The following SAMD3 variants were observed in gnomAD, a reference collection of about 807,000 sequenced individuals.
SAMD3 encodes sterile alpha motif domain-containing protein 3.
A neutral mutation model predicts 58.5 loss-of-function variants in SAMD3; 63 were observed. The ratio of observed to expected loss-of-function variants is 1.08; its 90% CI spans 0.88 to 1.33. The LOEUF is 1.33. SAMD3 is among the 40% of genes most tolerant of loss of function. SAMD3 has a pLI of 0.00. For synonymous variants in SAMD3, 220 were observed against 210.3 expected (o/e 1.05, Z -0.40); for missense variants, 604 against 608.4 (o/e 0.99, Z 0.08).
At chr6:130,155,773 T>C (rs1262383601) in intron 8 of SAMD3, among the ~76,000 whole-genome samples, 1 of 152,198 alleles carries the variant, frequency 6.6e-6, no homozygotes, top group Non-Finnish European at 1.5e-5. Context: ...AATCCTCTTA[T>C]ATCAAGGCTT....
At chr6:130,331,239 T>G (rs904491057) in intron 1 of SAMD3, among the ~76,000 whole-genome samples, 4 of 152,208 alleles carry the variant, frequency 2.6e-5, no homozygotes, top group Non-Finnish European at 5.9e-5. Context: ...ACATTCAACA[T>G]TGCTTTGGAT....
At chr6:130,248,690 T>C (rs1289040137) in intron 2 of SAMD3, among the ~76,000 whole-genome samples, 1 of 152,082 alleles carries the variant, frequency 6.6e-6, no homozygotes, top group Non-Finnish European at 1.5e-5. Context: ...CTGGGGGAAT[T>C]AGTGCTGACC....
chr6:130,250,876 C>G (rs992685438), intron 2 of SAMD3, among the ~76,000 whole-genome samples: 1 of 152,152 alleles, frequency 6.6e-6, no homozygotes, highest in African/African-American at 2.4e-5. Context: ...CTTCTGGGCT[C>G]TTATGAATAC....
rs377735478 is a variant in SAMD3 at position 130,351,800 on chromosome 6, T to A, written c.-304+13320A>T. Reference sequence around the variant, plus strand: ...GCGGCACTATTCACAATAGCAAAGATTTGGAACCAACCCAAATGTCCATCA... The same window carrying A: ...GCGGCACTATTCACAATAGCAAAGAATTGGAACCAACCCAAATGTCCATCA... On this transcript the variant is annotated intron_variant, in intron 1 of 13. Coordinates refer to the SAMD3 transcript ENST00000368134. 5.3e-5 allele frequency among the ~76,000 whole-genome samples: 8 copies of A among 152,150 alleles called. No individual in the cohort carries two copies. In the Middle Eastern group the frequency reaches 0.01, roughly 194 times the overall value.
At chr6:130,159,100 T>G (rs776771166) in intron 8 of SAMD3, among the ~76,000 whole-genome samples, 1 of 152,192 alleles carries the variant, frequency 6.6e-6, no homozygotes. Flanking sequence ...AAATCTCATC[T>G]TGTAGCTCCC....
chr6:130,274,629 G>T (rs77363949), intron 2 of SAMD3, among the ~76,000 whole-genome samples: 5 of 138,602 alleles, frequency 3.6e-5, no homozygotes, highest in African/African-American at 1.4e-4. Flanking sequence ...GCTGACACAG[G>T]TAAAGTGAAA....
intron 2 of SAMD3, among the ~76,000 whole-genome samples, chr6:130,236,012 C>T (rs1398159397): frequency 3.9e-5 from 6 of 152,172 alleles, no homozygotes; most frequent in Admixed American, 3.9e-4. Context: ...ACACCCAATA[C>T]ACATAACCTA....
chr6:130,156,012 A>G (rs1272950115), intron 8 of SAMD3, among the ~76,000 whole-genome samples: 1 of 152,184 alleles, frequency 6.6e-6, no homozygotes, highest in Non-Finnish European at 1.5e-5. Context: ...CTTTTGAAAC[A>G]GAGTGTTCAA....
chr6:130,157,162 A>G (rs1331860168), intron 8 of SAMD3, among the ~76,000 whole-genome samples: 7 of 151,392 alleles, frequency 4.6e-5, no homozygotes, highest in South Asian at 2.1e-4. Flanking sequence ...TTATCTAAAC[A>G]TGTGTAAACG....
chr6:130,229,922 G>C (rs1290226463), intron 2 of SAMD3, among the ~76,000 whole-genome samples: 2 of 152,144 alleles, frequency 1.3e-5, no homozygotes, highest in Admixed American at 6.5e-5. Context: ...GATAACTACA[G>C]ACTCTGAAAT....
intron 10 of SAMD3, 76 bp from the exon 11 acceptor site, chr6:130,145,498 A>G (rs1788540551): frequency 5.0e-6 from 5 of 999,296 alleles, no homozygotes; most frequent in Non-Finnish European, 7.6e-6. Flanking sequence ...GTATTGAAAC[A>G]TCTGGATTTT....
At chr6:130,293,325 A>G (rs922193329) in intron 2 of SAMD3, among the ~76,000 whole-genome samples, 1 of 152,168 alleles carries the variant, frequency 6.6e-6, no homozygotes, top group Non-Finnish European at 1.5e-5. Flanking sequence ...TGTATTTGAC[A>G]TCTTTGACTG....
chr6:130,173,145 CT>C (rs1440934300), intron 8 of SAMD3, among the ~76,000 whole-genome samples: 1 of 152,156 alleles, frequency 6.6e-6, no homozygotes, highest in African/African-American at 2.4e-5. Flanking sequence ...TTAGAACATG[CT>C]CCTTTAGCTC....
chr6:130,198,210 C>T (rs551661747), intron 5 of SAMD3, among the ~76,000 whole-genome samples: 24 of 152,202 alleles, frequency 1.6e-4, no homozygotes, highest in South Asian at 1.0e-3. Context: ...TCTCTTCACA[C>T]GGACGCGCAT....
intron 2 of SAMD3, among the ~76,000 whole-genome samples, chr6:130,247,779 T>C (rs1275938829): frequency 6.6e-6 from 1 of 152,222 alleles, no homozygotes; most frequent in Non-Finnish European, 1.5e-5. Context: ...AGAAAAGGAA[T>C]GGAAGATTTG....
chr6:130,184,652 A>G (rs763311367), intron 5 of SAMD3, 29 bp from the exon 6 acceptor site: 4 of 1,567,084 alleles, frequency 2.6e-6, no homozygotes, highest in Non-Finnish European at 3.5e-6. Flanking sequence ...CAAAGAATGA[A>G]ATTCTATTCC....
At chr6:130,180,382 G>A (rs556301727) in intron 7 of SAMD3, among the ~76,000 whole-genome samples, 51 of 146,614 alleles carry the variant, frequency 3.5e-4, no homozygotes, top group African/African-American at 1.1e-3. Context: ...TGATCCGTCC[G>A]CCTTGGCCTC....
At chr6:130,208,980 T>C (rs1795309958) in intron 5 of SAMD3, among the ~76,000 whole-genome samples, 1 of 152,226 alleles carries the variant, frequency 6.6e-6, no homozygotes, top group Non-Finnish European at 1.5e-5. Context: ...CAGTTTTTCC[T>C]TTGTTTAGTT....
At chr6:130,178,268 G>A (rs1003878992) in intron 7 of SAMD3, among the ~76,000 whole-genome samples, 12 of 125,552 alleles carry the variant, frequency 9.6e-5, no homozygotes, top group African/African-American at 4.6e-4. Context: ...GAGCCACCAC[G>A]CGCCCGGCTG....
Sources: allele counts gnomAD v4.1 joint callset (sites outside exome capture counted in the v4.1 genomes callset), GRCh38; gene constraint gnomAD v4.1.1; transcripts MANE v1.5; gene names NCBI Gene and HGNC (gene_info 2026-07-23, HGNC 2026-07-21).